Variants in RIPOR2 observed in about 807,000 individuals in gnomAD.
RIPOR2 encodes RHO family interacting cell polarization regulator 2.
A neutral mutation model predicts 114.5 loss-of-function variants in RIPOR2; 39 were observed. The ratio of observed to expected loss-of-function variants is 0.34; its 90% confidence interval spans 0.26 to 0.44. The LOEUF (loss-of-function observed/expected upper bound fraction) is 0.44, where lower values mean the gene tolerates loss of function less well. RIPOR2 is among the 20% of genes least tolerant of loss of function. The pLI, the probability that RIPOR2 is intolerant of heterozygous loss-of-function variation, is 1.00. For missense variants in RIPOR2, 1,007 were observed against 1,255.1 expected, an observed-to-expected ratio of 0.80 and a Z score of 2.99; for synonymous variants, 445 against 484.4, an observed-to-expected ratio of 0.92 and a Z score of 1.07.
chr6:25,036,906 T>C (rs1313274518), intron 1 of RIPOR2, among the ~76,000 whole-genome samples: 1 of 152,110 alleles, frequency 6.6e-6, no homozygotes, highest in Non-Finnish European at 1.5e-5. Flanking sequence ...GCCAGCTGAA[T>C]GTGAGGGTAG....
At chr6:25,026,621 G>A (rs1320822109) in intron 1 of RIPOR2, among the ~76,000 whole-genome samples, 1 of 152,174 alleles carries the variant, frequency 6.6e-6, no homozygotes, top group Non-Finnish European at 1.5e-5. Flanking sequence ...AGAGAAAAGA[G>A]TTTTATGTGT....
intron 16 of RIPOR2, 73 bp downstream of exon 16, chr6:24,832,183 C>A: frequency 7.4e-7 from 1 of 1,358,356 alleles, no homozygotes; most frequent in Non-Finnish European, 1.0e-6. Context: ...AAGCAATGAA[C>A]ATGCATAGGG....
intron 1 of RIPOR2, among the ~76,000 whole-genome samples, chr6:24,982,942 T>C (rs1774361298): frequency 6.6e-6 from 1 of 152,186 alleles, no homozygotes; most frequent in Non-Finnish European, 1.5e-5. Context: ...TTTCTGGAAT[T>C]TGTGATACTA....
chr6:24,966,049 A>G (rs1445077568), intron 1 of RIPOR2, among the ~76,000 whole-genome samples: 1 of 152,260 alleles, frequency 6.6e-6, no homozygotes, highest in African/African-American at 2.4e-5. Context: ...TTAGAAAAAC[A>G]GAATGAGATT....
At position 24,806,021 on chromosome 6, in the gene RIPOR2, C is replaced by A. The variant is rs748690675; in HGVS notation, c.*352G>T. The A allele has an allele frequency of 1.5e-5, 3 of 204,582 alleles. No homozygotes were observed. Among genetic ancestry groups the A allele is most frequent in the Non-Finnish European group, 2.9e-5 (3 of 102,294 alleles). 12.7% of individuals were successfully genotyped at this position (204,582 alleles called of 1,614,324 possible). On this transcript the variant is annotated 3_prime_UTR_variant, in exon 22 of 22. Coordinates refer to ENST00000643898, the MANE Select transcript of RIPOR2 (RefSeq NM_001286445.3). Reference sequence around the variant, plus strand: ...CTGGAGTGCAGTGGGGCAATTATGGCTCACTGCAGCCTGAATCTTCTGGGC... The same window carrying A: ...CTGGAGTGCAGTGGGGCAATTATGGATCACTGCAGCCTGAATCTTCTGGGC...
rs758675486 is a variant in RIPOR2 at position 24,817,976 on chromosome 6, C to CTTTTTTTTTTTTTTT, written c.2952+565_2952+566insAAAAAAAAAAAAAAA. 9.0e-4 allele frequency among the ~76,000 whole-genome samples: 76 copies of CTTTTTTTTTTTTTTT among 84,432 alleles called. 6 individuals carry two copies. The highest frequency in any genetic ancestry group is 1.4e-3 in the Admixed American group (11 of 7,988). The allele number at this position is 84,432 out of a possible 152,430, so 55.4% of individuals were successfully genotyped here. ...ATATACTTTCCTTTTCTCTCTCTCT[C>CTTTTTTTTTTTTTTT]TCTTTTTTTTTGAGACAGAGTCTGG... On this transcript the variant is annotated intron_variant, in intron 20 of 21. Coordinates refer to ENST00000643898, the MANE Select transcript of RIPOR2 (RefSeq NM_001286445.3).
At chr6:24,913,634 T>C (rs1246054386) in intron 1 of RIPOR2, among the ~76,000 whole-genome samples, 1 of 152,216 alleles carries the variant, frequency 6.6e-6, no homozygotes, top group African/African-American at 2.4e-5. Flanking sequence ...CCAGGTCTCC[T>C]AGAGCTTAGT....
chr6:24,805,470 T>A lies in RIPOR2; in HGVS notation c.*903A>T, dbSNP rs1425571963. ...GTGCAGTAGTGTAATCTCAGCTTACTGCAACCTCTGCCTCAAGTGATCCTC... is the reference window on the plus strand; with the variant it reads ...GTGCAGTAGTGTAATCTCAGCTTACAGCAACCTCTGCCTCAAGTGATCCTC... On this transcript the variant is annotated 3_prime_UTR_variant, in exon 22 of 22. Coordinates refer to ENST00000643898, the MANE Select transcript of RIPOR2 (RefSeq NM_001286445.3). The A allele has an allele frequency of 6.6e-6, 1 of 151,958 alleles. No homozygotes were observed. 9.4% of individuals were successfully genotyped at this position (151,958 alleles called of 1,614,324 possible).
intron 11 of RIPOR2, among the ~76,000 whole-genome samples, chr6:24,848,863 C>G (rs1762578134): frequency 6.6e-6 from 1 of 152,172 alleles, no homozygotes; most frequent in South Asian, 2.1e-4. Flanking sequence ...ATTTACTTGG[C>G]AATATACCGG....
chr6:24,839,676 C>T, intron 13 of RIPOR2: 2 of 1,525,308 alleles, frequency 1.3e-6, no homozygotes, highest in Non-Finnish European at 8.8e-7. Flanking sequence ...ACCACAAAGC[C>T]TTGGGAAACA....
At chr6:24,914,939 A>C (rs776591795) in intron 1 of RIPOR2, among the ~76,000 whole-genome samples, 1 of 152,194 alleles carries the variant, frequency 6.6e-6, no homozygotes, top group Non-Finnish European at 1.5e-5. Context: ...ACCGACCCTT[A>C]TCTATCTATC....
chr6:24,860,880 G>A (rs1040307404), intron 8 of RIPOR2, 93 bp downstream of exon 8: 3 of 804,580 alleles, frequency 3.7e-6, no homozygotes, highest in Non-Finnish European at 6.0e-6. Flanking sequence ...GTCTTTGCAA[G>A]GAAAATAAAA....
intron 4 of RIPOR2, among the ~76,000 whole-genome samples, chr6:24,872,375 T>G (rs919870003): frequency 1.3e-5 from 2 of 152,132 alleles, no homozygotes; most frequent in Non-Finnish European, 2.9e-5. Flanking sequence ...TTTATATTAA[T>G]TTTTTATATT....
chr6:24,808,932 G>C (rs1780951692), intron 21 of RIPOR2, among the ~76,000 whole-genome samples: 1 of 151,544 alleles, frequency 6.6e-6, no homozygotes, highest in Non-Finnish European at 1.5e-5. Context: ...GCTAATTTTT[G>C]TATTTTTAGT....
chr6:24,870,341 A>G (rs894953909), intron 5 of RIPOR2, among the ~76,000 whole-genome samples: 1 of 152,238 alleles, frequency 6.6e-6, no homozygotes, highest in Non-Finnish European at 1.5e-5. Context: ...GTGGCATTTT[A>G]ATGGAAGTGA....
At chr6:24,861,057 G>C in intron 7 of RIPOR2, 21 bp from the exon 8 acceptor site, 1 of 1,574,812 alleles carries the variant, frequency 6.3e-7, no homozygotes, top group Non-Finnish European at 8.7e-7. Context: ...GACAGGAGAC[G>C]ATCATGAGAG....
At chr6:24,882,806 T>G (rs970491434) in intron 1 of RIPOR2, among the ~76,000 whole-genome samples, 3 of 152,234 alleles carry the variant, frequency 2.0e-5, no homozygotes, top group Non-Finnish European at 4.4e-5. Context: ...GGGCTATCAA[T>G]TAGCTTTTTA....
Position 25,005,694 on chromosome 6 carries a change from GATATATATATATATATATATAT to G in RIPOR2, c.76+36135_76+36156del, listed in dbSNP as rs34057286. ...GTTTCAAAAATAAAATCCCTATGGAGATATATATATATATATATATATATATATATATATATATATATATATA... is the reference window on the plus strand; with the variant it reads ...GTTTCAAAAATAAAATCCCTATGGAGATATATATATATATATATATATATA... On this transcript the variant is annotated intron_variant, in intron 1 of 13. Transcript: ENST00000510784. 7.2e-3 allele frequency among the ~76,000 whole-genome samples: 326 copies of G among 45,388 alleles called. 10 individuals are homozygous for G. Among genetic ancestry groups the G allele is most frequent in the Middle Eastern group, 0.048 (3 of 62 alleles). The allele number at this position is 45,388 out of a possible 152,430, so 29.8% of individuals were successfully genotyped here.
At chr6:24,970,563 T>A (rs1773738088) in intron 1 of RIPOR2, among the ~76,000 whole-genome samples, 1 of 152,198 alleles carries the variant, frequency 6.6e-6, no homozygotes. Flanking sequence ...AACTAAAAGC[T>A]GTCTTGGTAA....
Sources: allele counts gnomAD v4.1 joint callset (sites outside exome capture counted in the v4.1 genomes callset), GRCh38; gene constraint gnomAD v4.1.1; transcripts MANE v1.5; gene names NCBI Gene and HGNC (gene_info 2026-07-23, HGNC 2026-07-21).